Variants in FHIP1A observed in about 807,000 individuals in gnomAD.
FHIP1A encodes FHF complex subunit HOOK-interacting protein 1A.
A neutral mutation model predicts 88.6 loss-of-function variants in FHIP1A; 61 were observed. That is an observed-to-expected ratio of 0.69 (90% confidence interval 0.56 to 0.85). The LOEUF (loss-of-function observed/expected upper bound fraction) is 0.85, where lower values mean the gene tolerates loss of function less well. FHIP1A is among the 40% of genes least tolerant of loss of function. The pLI is 0.00. For synonymous variants in FHIP1A, 478 were observed against 496.0 expected (o/e 0.96, Z 0.48); for missense variants, 1,154 against 1,273.5 (o/e 0.91, Z 1.43).
intron 3 of FHIP1A, among the ~76,000 whole-genome samples, chr4:151,493,729 A>T (rs1730364745): frequency 6.6e-6 from 1 of 152,254 alleles, no homozygotes; most frequent in Non-Finnish European, 1.5e-5. Flanking sequence ...AAATTATATG[A>T]TCATCTCAAT....
intron 2 of FHIP1A, among the ~76,000 whole-genome samples, chr4:151,463,908 T>A (rs1044081131): frequency 1.3e-5 from 2 of 152,210 alleles, no homozygotes; most frequent in African/African-American, 2.4e-5. Flanking sequence ...TTACTGCCCT[T>A]GGTGAATTTG....
At chr4:151,627,504 GA>G (rs919666702) in intron 7 of FHIP1A, among the ~76,000 whole-genome samples, 3 of 152,202 alleles carry the variant, frequency 2.0e-5, no homozygotes, top group African/African-American at 7.2e-5. Context: ...TAGATAAGCT[GA>G]AAATATTGTG....
At chr4:151,544,230 A>G (rs1295916797) in intron 3 of FHIP1A, among the ~76,000 whole-genome samples, 2 of 152,218 alleles carry the variant, frequency 1.3e-5, no homozygotes, top group African/African-American at 4.8e-5. Context: ...CCAAGTTCGT[A>G]TAGCTGGTTG....
intron 5 of FHIP1A, among the ~76,000 whole-genome samples, chr4:151,586,094 A>G (rs926241760): frequency 3.4e-4 from 51 of 152,176 alleles, no homozygotes; most frequent in African/African-American, 1.2e-3. Flanking sequence ...GCAAACATGC[A>G]GCTGTCAGTC....
chr4:151,502,479 T>G (rs972624366), intron 3 of FHIP1A, among the ~76,000 whole-genome samples: 1 of 151,736 alleles, frequency 6.6e-6, no homozygotes, highest in African/African-American at 2.4e-5. Context: ...AAGTGAAAAA[T>G]TCAGTAGAGG....
chr4:151,563,176 G>A (rs1399753449), intron 3 of FHIP1A, among the ~76,000 whole-genome samples: 1 of 152,050 alleles, frequency 6.6e-6, no homozygotes, highest in Non-Finnish European at 1.5e-5. Flanking sequence ...TCTTTGCAGT[G>A]TAGAATTTAT....
chr4:151,558,594 A>G (rs934307901), intron 3 of FHIP1A, among the ~76,000 whole-genome samples: 2 of 152,310 alleles, frequency 1.3e-5, no homozygotes, highest in Admixed American at 6.5e-5. Context: ...ATAGTGCTCA[A>G]ACTGCTTAAG....
chr4:151,411,790 C>G (rs943209762), intron 1 of FHIP1A, among the ~76,000 whole-genome samples: 1 of 152,118 alleles, frequency 6.6e-6, no homozygotes, highest in African/African-American at 2.4e-5. Flanking sequence ...GATACGTAGG[C>G]CCAGTGAAGA....
intron 7 of FHIP1A, among the ~76,000 whole-genome samples, chr4:151,602,764 G>A (rs1041158988): frequency 2.6e-5 from 4 of 152,138 alleles, no homozygotes; most frequent in Admixed American, 2.0e-4. Flanking sequence ...AAATAATGCC[G>A]CTTAGTGTGG....
At chr4:151,573,293 C>T (rs973882941) in intron 4 of FHIP1A, among the ~76,000 whole-genome samples, 3 of 151,702 alleles carry the variant, frequency 2.0e-5, no homozygotes, top group African/African-American at 7.3e-5. Context: ...CACACACACA[C>T]ATACACACAC....
chr4:151,549,276 C>T (rs1732628884), intron 3 of FHIP1A, among the ~76,000 whole-genome samples: 1 of 151,972 alleles, frequency 6.6e-6, no homozygotes, highest in Non-Finnish European at 1.5e-5. Flanking sequence ...ATCAAGTGGG[C>T]AAAGAGAACC....
chr4:151,613,052 A>G (rs1735385422), intron 7 of FHIP1A, among the ~76,000 whole-genome samples: 1 of 152,214 alleles, frequency 6.6e-6, no homozygotes, highest in Non-Finnish European at 1.5e-5. Context: ...ATTTTTAGGT[A>G]ACTCTCCAGG....
At chr4:151,441,249 AAAG>A (rs1728400870) in intron 1 of FHIP1A, among the ~76,000 whole-genome samples, 1 of 152,150 alleles carries the variant, frequency 6.6e-6, no homozygotes, top group African/African-American at 2.4e-5. Flanking sequence ...AAATTGACTT[AAAG>A]TAAGTGCATT....
chr4:151,661,412 T>TTG (rs1345148158), intron 13 of FHIP1A, among the ~76,000 whole-genome samples: 1 of 151,428 alleles, frequency 6.6e-6, no homozygotes, highest in Non-Finnish European at 1.5e-5. Flanking sequence ...GAAGTTGTTT[T>TTG]TTTTTTTTTT....
chr4:151,431,533 G>T (rs1232770839), intron 1 of FHIP1A, among the ~76,000 whole-genome samples: 1 of 152,270 alleles, frequency 6.6e-6, no homozygotes, highest in African/African-American at 2.4e-5. Context: ...TTAAGGGAAA[G>T]AGAATTACTT....
chr4:151,543,629 C>A (rs1732379851), intron 3 of FHIP1A, among the ~76,000 whole-genome samples: 1 of 152,164 alleles, frequency 6.6e-6, no homozygotes, highest in African/African-American at 2.4e-5. Flanking sequence ...TATACGTACA[C>A]ACATTATACA....
intron 3 of FHIP1A, among the ~76,000 whole-genome samples, chr4:151,523,680 G>A (rs546874998): frequency 3.3e-5 from 5 of 152,178 alleles, no homozygotes; most frequent in Admixed American, 6.5e-5. Flanking sequence ...ATGTCCATTT[G>A]TCTTTGAGTT....
intron 5 of FHIP1A, among the ~76,000 whole-genome samples, chr4:151,580,628 G>A (rs2126795713): frequency 6.6e-6 from 1 of 152,232 alleles, no homozygotes; most frequent in South Asian, 2.1e-4. Flanking sequence ...TATCTGGCTT[G>A]GAGAAATCTG....
intron 3 of FHIP1A, among the ~76,000 whole-genome samples, chr4:151,545,480 C>A (rs1732461282): frequency 1.4e-5 from 2 of 146,026 alleles, no homozygotes; most frequent in Non-Finnish European, 3.0e-5. Flanking sequence ...CGGGTTCAAG[C>A]AATTCTCCTG....
Sources: gnomAD v4.1 joint callset for allele counts (sites outside exome capture counted in the v4.1 genomes callset) on GRCh38, gnomAD v4.1.1 for gene constraint, MANE v1.5 for transcripts, NCBI Gene and HGNC (gene_info 2026-07-23, HGNC 2026-07-21) for gene names.